Variants in DOCK9 observed in about 807,000 individuals in gnomAD.
The protein encoded by DOCK9 is dedicator of cytokinesis protein 9.
Under a neutral mutation model 263.3 loss-of-function variants are expected in DOCK9, and 89 were observed. That is an observed-to-expected ratio of 0.34 (90% confidence interval 0.28 to 0.40). The LOEUF (loss-of-function observed/expected upper bound fraction) is 0.40, where lower values mean the gene tolerates loss of function less well. DOCK9 is among the 10% of genes least tolerant of loss of function. The pLI, the probability that DOCK9 is intolerant of heterozygous loss-of-function variation, is 1.00. For missense variants in DOCK9, 2,140 were observed against 2,603.4 expected, an observed-to-expected ratio of 0.82 and a Z score of 3.87; for synonymous variants, 976 against 973.1, an observed-to-expected ratio of 1.00 and a Z score of -0.06.
intron 2 of DOCK9, among the ~76,000 whole-genome samples, chr13:98,942,610 G>T (rs2056128555): frequency 6.6e-6 from 1 of 152,166 alleles, no homozygotes; most frequent in South Asian, 2.1e-4. Flanking sequence ...TAGCACAGTG[G>T]ATATGCTTCA....
intron 2 of DOCK9, among the ~76,000 whole-genome samples, chr13:98,942,242 T>TTG (rs1258732839): frequency 7.4e-5 from 11 of 149,604 alleles, no homozygotes; most frequent in East Asian, 3.9e-4. Context: ...GTTGTTTTTT[T>TTG]TTTTTGTTTT....
In DOCK9 at chr13:98,853,448, T is replaced by C. The variant is rs1468718236; in HGVS notation, c.3906A>G (p.Leu1302=). ...DKLDQSEIKS[L]LMCFLYILKS... Reference sequence around the variant, plus strand: ...TTAAGATGTAGAGGAAACACATCAGTAGGCTCTTAATCTCAGACTGGTCAA... The same window carrying C: ...TTAAGATGTAGAGGAAACACATCAGCAGGCTCTTAATCTCAGACTGGTCAA... The change falls in exon 35 of 53, where the codon CTA becomes CTG. Residue 1302 remains leucine (L), a synonymous_variant. Transcript: ENST00000682017. 3.1e-6 allele frequency: 5 copies of C among 1,613,576 alleles called. No homozygotes were observed. In the Admixed American group the frequency reaches 5.0e-5, roughly 16 times the overall value.
In DOCK9 at chr13:98,977,849, A is replaced by G; in HGVS notation, c.61T>C (p.Ser21Pro). 1 of 1,606,922 alleles carries G rather than the reference A, an allele frequency of 6.2e-7. No homozygotes were observed. The change falls in exon 1 of 53, where the codon TCC (serine) becomes CCC (proline). Residue 21 changes from serine (S) to proline (P), a missense_variant. Coordinates refer to ENST00000682017, the MANE Select transcript of DOCK9 (RefSeq NM_001366683.2). ...GCTGCATCCTTGTATTGCAGGGGGG[A>G]CTCAATCACCAGTTCCTTTTTGACA... ...RSVKKELVIE[S>P]PLQYKDAAQG...
At chr13:98,931,343 G>T (rs1172638624) in intron 2 of DOCK9, among the ~76,000 whole-genome samples, 3 of 151,814 alleles carry the variant, frequency 2.0e-5, no homozygotes, top group Admixed American at 6.6e-5. Context: ...CTGTCGCCCA[G>T]TCTGGAGTGC....
intron 13 of DOCK9, 76 bp from the exon 14 acceptor site, chr13:98,898,337 A>C: frequency 1.8e-6 from 2 of 1,095,092 alleles, no homozygotes; most frequent in South Asian, 2.7e-5. Flanking sequence ...CCATCCTTAC[A>C]TGCTCACTAA....
At chr13:98,982,557 G>A (rs1567169183), upstream of DOCK9, among the ~76,000 whole-genome samples, 1 of 152,218 alleles carries the variant, frequency 6.6e-6, no homozygotes, top group African/African-American at 2.4e-5. Context: ...TTAATTCACT[G>A]AGGGCAGGGA....
chr13:98,872,330 A>G (rs1335126859), intron 27 of DOCK9, among the ~76,000 whole-genome samples: 2 of 151,462 alleles, frequency 1.3e-5, no homozygotes, highest in African/African-American at 4.9e-5. Context: ...CATTCTGGTT[A>G]CTCCCCTTTA....
chr13:98,868,621 G>A (rs1417922365), intron 27 of DOCK9, among the ~76,000 whole-genome samples: 1 of 152,058 alleles, frequency 6.6e-6, no homozygotes, highest in East Asian at 1.9e-4. Flanking sequence ...TGGGTGTGGT[G>A]GTATGCACCT....
chr13:98,923,525 C>T (rs1274963506), intron 4 of DOCK9, among the ~76,000 whole-genome samples, 154 bp from the exon 5 acceptor site: 2 of 152,088 alleles, frequency 1.3e-5, no homozygotes, highest in Non-Finnish European at 2.9e-5. Flanking sequence ...TATGCCCTTG[C>T]TTTTCAAGGT....
At chr13:98,983,623 A>ATT (rs71213702) in intron 1 of DOCK9, among the ~76,000 whole-genome samples, 3 of 128,600 alleles carry the variant, frequency 2.3e-5, no homozygotes, top group Non-Finnish European at 5.1e-5. Context: ...TATTATTATT[A>ATT]TTTTTTTTTT....
intron 1 of DOCK9, among the ~76,000 whole-genome samples, chr13:99,077,496 C>T (rs899825409): frequency 6.6e-6 from 1 of 152,208 alleles, no homozygotes; most frequent in Non-Finnish European, 1.5e-5. Flanking sequence ...GAAGCAGAAA[C>T]CTGTACAGCC....
At chr13:99,086,400 C>T (rs1412777324) in exon 1 of DOCK9, 2 of 1,017,128 alleles carry the variant, frequency 2.0e-6, no homozygotes. Context: ...CGGCCCGGCC[C>T]GGCCGCGCGG....
intron 2 of DOCK9, chr13:98,949,938 G>T: frequency 2.1e-6 from 1 of 484,030 alleles, no homozygotes; most frequent in Non-Finnish European, 4.0e-6. Context: ...CTCCTCAATT[G>T]CTGTGCTGTC....
At chr13:98,905,452 C>T (rs534702765) in intron 9 of DOCK9, among the ~76,000 whole-genome samples, 2 of 152,218 alleles carry the variant, frequency 1.3e-5, no homozygotes, top group African/African-American at 4.8e-5. Flanking sequence ...CAAGGGAAGG[C>T]CCATTTGGAA....
chr13:98,863,627 A>G, intron 30 of DOCK9, 79 bp from the exon 31 acceptor site: 1 of 1,424,448 alleles, frequency 7.0e-7, no homozygotes, highest in Admixed American at 2.3e-5. Flanking sequence ...AACAAACAAA[A>G]AAAACTAAGA....
chr13:98,854,518 G>A (rs1361291443), intron 34 of DOCK9: 1 of 152,066 alleles, frequency 6.6e-6, no homozygotes. Flanking sequence ...TGGTATGGAT[G>A]CACCCTCTGG....
intron 9 of DOCK9, among the ~76,000 whole-genome samples, chr13:98,914,102 T>G (rs992988264): frequency 2.6e-5 from 4 of 152,184 alleles, no homozygotes; most frequent in Non-Finnish European, 4.4e-5. Flanking sequence ...AAAAAAACAC[T>G]TAAAATAATA....
At chr13:98,904,085 C>A (rs1012143293) in intron 10 of DOCK9, among the ~76,000 whole-genome samples, 1 of 152,158 alleles carries the variant, frequency 6.6e-6, no homozygotes, top group Non-Finnish European at 1.5e-5. Flanking sequence ...TTTAATGCCA[C>A]TGAACCGTAC....
intron 12 of DOCK9, 29 bp downstream of exon 12, chr13:98,902,259 A>G (rs768293281): frequency 1.1e-5 from 18 of 1,608,764 alleles, no homozygotes; most frequent in East Asian, 2.2e-5. Flanking sequence ...GAGTCTGAGT[A>G]GTGGGAATGC....
Sources: gnomAD v4.1 joint callset for allele counts (sites outside exome capture counted in the v4.1 genomes callset) on GRCh38, gnomAD v4.1.1 for gene constraint, MANE v1.5 for transcripts, NCBI Gene and HGNC (gene_info 2026-07-23, HGNC 2026-07-21) for gene names.